FOXRED1: variants seen among roughly 807,000 people sequenced by gnomAD.
The protein encoded by FOXRED1 is FAD dependent oxidoreductase domain containing 1, also known as FAD-dependent oxidoreductase domain-containing protein 1.
In FOXRED1, 52 loss-of-function variants were observed where a neutral mutation model predicts 57.8. The ratio of observed to expected loss-of-function variants is 0.90; its 90% CI spans 0.72 to 1.13. The LOEUF (loss-of-function observed/expected upper bound fraction) is 1.13. Ranked by LOEUF, FOXRED1 falls within the 50% of genes most tolerant of loss-of-function variation. The pLI is 0.00. For missense variants in FOXRED1, 589 were observed against 625.2 expected (o/e 0.94, Z 0.62); for synonymous variants, 271 against 248.3 (o/e 1.09, Z -0.86).
In FOXRED1 at chr11:126,277,449, G is replaced by C. The variant is rs1452044089; in HGVS notation, c.1221G>C (p.Trp407Cys). The C allele has an allele frequency of 6.2e-7, 1 of 1,612,996 alleles. No individual in the cohort carries two copies. Among genetic ancestry groups the C allele is most frequent in the Non-Finnish European group, 8.5e-7 (1 of 1,180,000 alleles). Residue 407 changes from tryptophan to cysteine, a missense_variant, in exon 11 of 11, where the codon TGG (tryptophan) becomes TGC (cysteine). Trp to Cys is a radical substitution (Grantham distance 215, BLOSUM62 -2). Coordinates refer to ENST00000263578, the MANE Select transcript of FOXRED1 (RefSeq NM_017547.4). The surrounding 1 kb of genome is among the most constrained non-coding windows in gnomAD (Gnocchi z 6.8). ...TGCACCCGCAGGTTCAGAGCGCCTGGGCCGGCTATTACGACTACAACACCT... is the reference window on the plus strand; with the variant it reads ...TGCACCCGCAGGTTCAGAGCGCCTGCGCCGGCTATTACGACTACAACACCT... ...AFETLKVQSA[W>C]AGYYDYNTFD...
Position 126,271,868 on chromosome 11 carries a change from G to C in FOXRED1, c.306+211G>C, listed in dbSNP as rs1466579235. 1.7e-6 allele frequency: 1 copy of C among 578,698 alleles called. No individual in the cohort carries two copies. The highest frequency in any genetic ancestry group is 3.1e-6 in the Non-Finnish European group (1 of 318,590). The allele number at this position is 578,698 out of a possible 1,614,324, so 35.8% of individuals were successfully genotyped here. A position where few individuals can be genotyped will look rare whatever the true frequency, so the allele number is the denominator to read the frequency against. ...GCTTGGCAATAAGGTTTGTTCTTTT[G>C]AAAGCAGATATCACCATATTGGATT... On this transcript the variant is annotated intron_variant, in intron 2 of 10. Coordinates refer to ENST00000263578, the MANE Select transcript of FOXRED1 (RefSeq NM_017547.4). The surrounding 1 kb of genome is among the most constrained non-coding windows in gnomAD (Gnocchi z 5.3).
Position 126,272,718 on chromosome 11 carries a change from C to G in FOXRED1, c.307-251C>G, listed in dbSNP as rs1286635364. 5.2e-6 allele frequency: 3 copies of G among 580,480 alleles called. No individual in the cohort carries two copies. The highest frequency in any genetic ancestry group is 9.2e-6 in the Non-Finnish European group (3 of 324,670). 36.0% of individuals were successfully genotyped at this position (580,480 alleles called of 1,614,324 possible). A position where few individuals can be genotyped will look rare whatever the true frequency, so the allele number is the denominator to read the frequency against. On this transcript the variant is annotated intron_variant, in intron 2 of 10. Transcript: ENST00000263578. The surrounding 1 kb of genome is among the most constrained non-coding windows in gnomAD (Gnocchi z 4.6). ...CGTTAATCGCCTGCCCTTGGACTTC[C>G]AGGCCATTACCATTTTGTACCACTG...
In FOXRED1 at chr11:126,274,379, T is replaced by G. The variant is rs927689040; in HGVS notation, c.537-548T>G. On this transcript the variant is annotated intron_variant, in intron 4 of 10. Transcript: ENST00000263578. The surrounding 1 kb of genome is among the most constrained non-coding windows in gnomAD (Gnocchi z 4.8). ...AGTTCATGGAATAGGCTGGGTGCAG[T>G]GTCTCATGCCTGTAATCCCAGCATT... 3.7e-5 allele frequency: 7 copies of G among 187,012 alleles called. No homozygotes were observed. Among genetic ancestry groups the G allele is most frequent in the Non-Finnish European group, 7.9e-5 (7 of 88,174 alleles). 11.6% of individuals were successfully genotyped at this position (187,012 alleles called of 1,614,324 possible). A position where few individuals can be genotyped will look rare whatever the true frequency, so the allele number is the denominator to read the frequency against.
Position 126,274,964 on chromosome 11 carries a change from C to G in FOXRED1, c.574C>G (p.Gln192Glu), listed in dbSNP as rs187124232. 1.5e-4 allele frequency: 245 copies of G among 1,613,580 alleles called. No homozygotes were observed. The highest frequency in any genetic ancestry group is 4.7e-5 in the Non-Finnish European group (55 of 1,179,622). The part of the protein sequence containing the change: ...GAKVSLMSPD[Q>E]LRNKFPWINT... ...CAAAGTTTCTCTGATGTCTCCTGATCAGCTTCGGAACAAGTTTCCCTGGAT... is the reference window on the plus strand; with the variant it reads ...CAAAGTTTCTCTGATGTCTCCTGATGAGCTTCGGAACAAGTTTCCCTGGAT... The change falls in exon 5 of 11, where the codon CAG becomes GAG. Residue 192 changes from glutamine (Q) to glutamate (E), a missense_variant. Physicochemically the swap from Gln to Glu is conservative, Grantham distance 29. Coordinates refer to ENST00000263578, the MANE Select transcript of FOXRED1 (RefSeq NM_017547.4). This position sits in a 1 kb window ranked among gnomAD's most constrained non-coding sequence, Gnocchi z 4.8.
At chr11:126,270,419 C>G (rs954237052) in intron 1 of FOXRED1, among the ~76,000 whole-genome samples, 1 of 152,216 alleles carries the variant, frequency 6.6e-6, no homozygotes, top group Non-Finnish European at 1.5e-5. Context: ...CACAGCCTCC[C>G]CCCTCATGGA....
chr11:126,271,780 A>G lies in FOXRED1; in HGVS notation c.306+123A>G. On this transcript the variant is annotated intron_variant, in intron 2 of 10. Transcript: ENST00000263578. This position sits in a 1 kb window ranked among gnomAD's most constrained non-coding sequence, Gnocchi z 5.3. ...CTCAATCTCGGAGGGTCCAACGGAC[A>G]GAGATTGTGCTTTGGACTTTGTTGA... is the stretch of plus-strand genomic sequence containing the variant. 1.2e-6 allele frequency: 1 copy of G among 816,150 alleles called. No homozygotes were observed. Among genetic ancestry groups the G allele is most frequent in the Non-Finnish European group, 2.1e-6 (1 of 486,330 alleles). 50.6% of individuals were successfully genotyped at this position (816,150 alleles called of 1,614,324 possible). A position where few individuals can be genotyped will look rare whatever the true frequency, so the allele number is the denominator to read the frequency against.
chr11:126,275,715 T>C lies in FOXRED1; in HGVS notation c.734-79T>C. ...AAGCTCCCATCCTTCCAGCTTTCTT[T>C]CCTTAAGAAACCAGTGAAATCCCCA... On this transcript the variant is annotated intron_variant, in intron 6 of 10. Coordinates refer to ENST00000263578, the MANE Select transcript of FOXRED1 (RefSeq NM_017547.4). This position sits in a 1 kb window ranked among gnomAD's most constrained non-coding sequence, Gnocchi z 5.9. 1 of 1,018,494 alleles carries C rather than the reference T, an allele frequency of 9.8e-7. No homozygotes were observed. The highest frequency in any genetic ancestry group is 1.3e-5 in the South Asian group (1 of 77,500). The allele number at this position is 1,018,494 out of a possible 1,614,324, so 63.1% of individuals were successfully genotyped here.
Position 126,271,254 on chromosome 11 carries a change from G to C in FOXRED1, c.86-183G>C, listed in dbSNP as rs138117426. 1 of 652,352 alleles carries C rather than the reference G, an allele frequency of 1.5e-6. No homozygotes were observed. The highest frequency in any genetic ancestry group is 2.2e-5 in the Admixed American group (1 of 46,352). The allele number at this position is 652,352 out of a possible 1,614,324, so 40.4% of individuals were successfully genotyped here. ...CAATGCATGAAGAGACTGATGGCAT[G>C]TGGACTATTCAGAAAACTGTGGCAA... On this transcript the variant is annotated intron_variant, in intron 1 of 10. Transcript: ENST00000263578. This position sits in a 1 kb window ranked among gnomAD's most constrained non-coding sequence, Gnocchi z 5.3.
At position 126,271,915 on chromosome 11, in the gene FOXRED1, G is replaced by C. The variant is rs955383056; in HGVS notation, c.306+258G>C. Reference sequence around the variant, plus strand: ...GATTTTTCGAGATCTCATAGCTCTGGTCATGAGAGCCTGCATTCAAGCTAT... The same window carrying C: ...GATTTTTCGAGATCTCATAGCTCTGCTCATGAGAGCCTGCATTCAAGCTAT... On this transcript the variant is annotated intron_variant, in intron 2 of 10. Transcript: ENST00000263578. The surrounding 1 kb of genome is among the most constrained non-coding windows in gnomAD (Gnocchi z 5.3). 5 of 474,732 alleles carry C rather than the reference G, an allele frequency of 1.1e-5. No individual in the cohort carries two copies. The highest frequency in any genetic ancestry group is 1.9e-5 in the Non-Finnish European group (5 of 258,312). 29.4% of individuals were successfully genotyped at this position (474,732 alleles called of 1,614,324 possible). A position where few individuals can be genotyped will look rare whatever the true frequency, so the allele number is the denominator to read the frequency against.
Position 126,271,263 on chromosome 11 carries a change from T to C in FOXRED1, c.86-174T>C. The C allele has an allele frequency of 1.5e-6, 1 of 664,534 alleles. No homozygotes were observed. Among genetic ancestry groups the C allele is most frequent in the South Asian group, 1.6e-5 (1 of 61,454 alleles). The allele number at this position is 664,534 out of a possible 1,614,324, so 41.2% of individuals were successfully genotyped here. ...AAGAGACTGATGGCATGTGGACTATTCAGAAAACTGTGGCAACACTGTTGG... is the reference window on the plus strand; with the variant it reads ...AAGAGACTGATGGCATGTGGACTATCCAGAAAACTGTGGCAACACTGTTGG... On this transcript the variant is annotated intron_variant, in intron 1 of 10. Transcript: ENST00000263578. The surrounding 1 kb of genome is among the most constrained non-coding windows in gnomAD (Gnocchi z 5.3).
chr11:126,272,902 C>T lies in FOXRED1; in HGVS notation c.307-67C>T, dbSNP rs1041744853. On this transcript the variant is annotated intron_variant, in intron 2 of 10. Transcript: ENST00000263578. The surrounding 1 kb of genome is among the most constrained non-coding windows in gnomAD (Gnocchi z 4.6). The stretch of plus-strand genomic sequence containing the variant: ...CTTTAGGTGTATAGCTCGAAGCTTT[C>T]ATTGCAGTATTCTAGTCACATGTGA... 4 of 838,906 alleles carry T rather than the reference C, an allele frequency of 4.8e-6. 1 individual carries two copies. In the South Asian group the frequency reaches 5.3e-5, roughly 11 times the overall value. 52.0% of individuals were successfully genotyped at this position (838,906 alleles called of 1,614,324 possible). A position where few individuals can be genotyped will look rare whatever the true frequency, so the allele number is the denominator to read the frequency against.
Position 126,272,728 on chromosome 11 carries a change from C to T in FOXRED1, c.307-241C>T. On this transcript the variant is annotated intron_variant, in intron 2 of 10. Transcript: ENST00000263578. The surrounding 1 kb of genome is among the most constrained non-coding windows in gnomAD (Gnocchi z 4.6). ...CTGCCCTTGGACTTCCAGGCCATTA[C>T]CATTTTGTACCACTGTGTCAGCTCT... 1 of 590,176 alleles carries T rather than the reference C, an allele frequency of 1.7e-6. No individual in the cohort carries two copies. The highest frequency in any genetic ancestry group is 3.0e-6 in the Non-Finnish European group (1 of 330,334). The allele number at this position is 590,176 out of a possible 1,614,324, so 36.6% of individuals were successfully genotyped here. A position where few individuals can be genotyped will look rare whatever the true frequency, so the allele number is the denominator to read the frequency against.
Position 126,273,847 on chromosome 11 carries a change from A to C in FOXRED1, c.536+393A>C, listed in dbSNP as rs1951058186. The C allele has an allele frequency of 3.9e-6, 1 of 255,430 alleles. No homozygotes were observed. The highest frequency in any genetic ancestry group is 7.9e-6 in the Non-Finnish European group (1 of 127,200). The allele number at this position is 255,430 out of a possible 1,614,324, so 15.8% of individuals were successfully genotyped here. On this transcript the variant is annotated intron_variant, in intron 4 of 10. Transcript: ENST00000263578. The surrounding 1 kb of genome is among the most constrained non-coding windows in gnomAD (Gnocchi z 5.9). The stretch of plus-strand genomic sequence containing the variant: ...TGCTGGCCATACAGTCTCTATTCCA[A>C]CCACTTTGCTATCACAGCATGAAAG...
At position 126,276,036 on chromosome 11, in the gene FOXRED1, T is replaced by C. The variant is rs2276025; in HGVS notation, c.811-23T>C. 0.31 allele frequency: 502,789 copies of C among 1,611,660 alleles called. 79,503 individuals are homozygous for C. The highest frequency in any genetic ancestry group is 0.37 in the South Asian group (33,843 of 91,044). Reference sequence around the variant, plus strand: ...TGGTGTGTGGTCCGGGCCTTCCCACTCCTCACCCTCTGGTGTCTGCAGGTG... The same window carrying C: ...TGGTGTGTGGTCCGGGCCTTCCCACCCCTCACCCTCTGGTGTCTGCAGGTG... On this transcript the variant is annotated intron_variant, in intron 7 of 10. Coordinates refer to ENST00000263578, the MANE Select transcript of FOXRED1 (RefSeq NM_017547.4).
Position 126,272,651 on chromosome 11 carries a change from T to G in FOXRED1, c.307-318T>G. On this transcript the variant is annotated intron_variant, in intron 2 of 10. Coordinates refer to ENST00000263578, the MANE Select transcript of FOXRED1 (RefSeq NM_017547.4). This position sits in a 1 kb window ranked among gnomAD's most constrained non-coding sequence, Gnocchi z 4.6. ...CAGCTAGCCACGAGTCTTGCTACTTTACTTCAATCATAACCTTTCATTTCC... is the reference window on the plus strand; with the variant it reads ...CAGCTAGCCACGAGTCTTGCTACTTGACTTCAATCATAACCTTTCATTTCC... 1 of 435,400 alleles carries G rather than the reference T, an allele frequency of 2.3e-6. No homozygotes were observed. Among genetic ancestry groups the G allele is most frequent in the Non-Finnish European group, 4.3e-6 (1 of 234,266 alleles). 27.0% of individuals were successfully genotyped at this position (435,400 alleles called of 1,614,324 possible).
rs754248405 is a variant in FOXRED1 at position 126,269,218 on chromosome 11, G to T, written c.12G>T (p.Arg4Ser). The change falls in exon 1 of 11, where the codon AGG becomes AGT. Residue 4 changes from arginine (R) to serine (S), a missense_variant. Arg to Ser is a moderately radical substitution (Grantham distance 110, BLOSUM62 -1). Coordinates refer to ENST00000263578, the MANE Select transcript of FOXRED1 (RefSeq NM_017547.4). ...GGCTCAGAGGGGTTATGATTCGGAG[G>T]GTTCTGCCGCACGGCATGGGCCGGG... The part of the protein sequence containing the change: MIR[R>S]VLPHGMGRGL... 4 of 1,613,744 alleles carry T rather than the reference G, an allele frequency of 2.5e-6. No homozygotes were observed. The highest frequency in any genetic ancestry group is 4.5e-5 in the East Asian group (2 of 44,878).
In FOXRED1 at chr11:126,275,097, G is replaced by C; in HGVS notation, c.631+76G>C. The C allele has an allele frequency of 9.9e-7, 1 of 1,013,500 alleles. No homozygotes were observed. The highest frequency in any genetic ancestry group is 1.3e-5 in the South Asian group (1 of 77,826). The allele number at this position is 1,013,500 out of a possible 1,614,324, so 62.8% of individuals were successfully genotyped here. ...AGGGGTGCTACACGTTGGGAGTCTC[G>C]GTACTCCACAGCCAAGCTGAAGGAG... On this transcript the variant is annotated intron_variant, in intron 5 of 10. Transcript: ENST00000263578. The surrounding 1 kb of genome is among the most constrained non-coding windows in gnomAD (Gnocchi z 5.9).
In FOXRED1 at chr11:126,276,136, G is replaced by T. The variant is rs772028465; in HGVS notation, c.888G>T (p.Ala296=). ...IVINAAGAWS[A]QIAALAGVGE... Reference sequence around the variant, plus strand: ...TCAACGCAGCCGGAGCCTGGTCTGCGCAAATCGCAGCACTGGCTGGTGTTG... The same window carrying T: ...TCAACGCAGCCGGAGCCTGGTCTGCTCAAATCGCAGCACTGGCTGGTGTTG... Residue 296 remains alanine, a synonymous_variant, in exon 8 of 11, where the codon GCG becomes GCT. Transcript: ENST00000263578. The T allele has an allele frequency of 6.2e-7, 1 of 1,612,068 alleles. No individual in the cohort carries two copies. The highest frequency in any genetic ancestry group is 1.1e-5 in the South Asian group (1 of 90,872).
In FOXRED1 at chr11:126,272,532, T is replaced by G; in HGVS notation, c.307-437T>G. ...GTCTCAGATTCCTGAACTCAAGCAA[T>G]CAGCCCGCCTCGGCCTCCCAAAGTG... On this transcript the variant is annotated intron_variant, in intron 2 of 10. Transcript: ENST00000263578. The surrounding 1 kb of genome is among the most constrained non-coding windows in gnomAD (Gnocchi z 4.6). The G allele has an allele frequency of 4.0e-6, 1 of 248,878 alleles. No individual in the cohort carries two copies. The highest frequency in any genetic ancestry group is 8.0e-6 in the Non-Finnish European group (1 of 125,618). 15.4% of individuals were successfully genotyped at this position (248,878 alleles called of 1,614,324 possible).
Sources: allele counts gnomAD v4.1 joint callset (sites outside exome capture counted in the v4.1 genomes callset), GRCh38; gene constraint gnomAD v4.1.1; non-coding constraint Gnocchi (gnomAD v3.1); transcripts MANE v1.5; gene names NCBI Gene and HGNC (gene_info 2026-07-23, HGNC 2026-07-21).